The following DST variants were observed in gnomAD, a reference collection of about 807,000 sequenced individuals.
The protein encoded by DST is bullous pemphigoid antigen.
DST carries 253 observed loss-of-function variants against 875.2 expected under a neutral mutation model. The ratio of observed to expected loss-of-function variants is 0.29; its 90% CI spans 0.26 to 0.32. The LOEUF (loss-of-function observed/expected upper bound fraction) is 0.32, where lower values mean the gene tolerates loss of function less well. Among genes scored for constraint, DST ranks in the 10% least tolerant of loss-of-function variants. The pLI, the probability that DST is intolerant of heterozygous loss-of-function variation, is 1.00. For synonymous variants in DST, 3,124 were observed against 3,197.1 expected (o/e 0.98, Z 0.77); for missense variants, 8,287 against 9,111.6 (o/e 0.91, Z 3.68).
chr6:56,678,972 T>C lies in DST; in HGVS notation c.1048-8165A>G, dbSNP rs552458172. On this transcript the variant is annotated intron_variant, in intron 9 of 103. Transcript: ENST00000680361. ...CACTATATAAAATGGAATTCAAAGC[T>C]GCCTCTGAGAACTGCTCATTCCCTG... Among the ~76,000 whole-genome samples the C allele has an allele frequency of 2.0e-5, 3 of 152,348 alleles. No homozygotes were observed. In the East Asian group the frequency reaches 5.8e-4, roughly 29 times the overall value.
At chr6:56,751,856 G>T (rs1406337075) in intron 4 of DST, among the ~76,000 whole-genome samples, 1 of 152,060 alleles carries the variant, frequency 6.6e-6, no homozygotes, top group Non-Finnish European at 1.5e-5. Context: ...AGAGAGGAGG[G>T]TAGAATAGGG....
intron 30 of DST, among the ~76,000 whole-genome samples, chr6:56,630,997 G>A (rs1156654411): frequency 6.6e-6 from 1 of 151,930 alleles, no homozygotes; most frequent in African/African-American, 2.4e-5. Context: ...TGGCCAAGCT[G>A]GTACCGAACT....
At chr6:56,704,434 T>C (rs771507722) in intron 5 of DST, 65 bp from the exon 6 acceptor site, 136 of 716,666 alleles carry the variant, frequency 1.9e-4, no homozygotes, top group Non-Finnish European at 2.8e-4. Context: ...TTCTTAAACA[T>C]AAAAAGGAGA....
chr6:56,573,061 A>G lies in DST; in HGVS notation c.13240T>C (p.Leu4414=). Residue 4414 remains leucine, a synonymous_variant, in exon 52 of 104, where the codon TTG becomes CTG. Coordinates refer to ENST00000680361, the MANE Select transcript of DST (RefSeq NM_001374736.1). ...TGACGACCTGCAATATCCTGTTCCA[A>G]CATCTAAAATAAACCAAATATTGCA... ...LQDIISKNIM[L]EQDIAGRQSS... is the part of the protein sequence containing the mutation. The G allele has an allele frequency of 6.5e-7, 1 of 1,548,724 alleles. No individual in the cohort carries two copies. The highest frequency in any genetic ancestry group is 8.7e-7 in the Non-Finnish European group (1 of 1,150,160).
intron 93 of DST, among the ~76,000 whole-genome samples, chr6:56,473,360 C>T (rs1400632929): frequency 1.3e-5 from 2 of 152,144 alleles, no homozygotes; most frequent in Non-Finnish European, 2.9e-5. Flanking sequence ...CTTTTTAAAT[C>T]TTCTCCAAGC....
intron 36 of DST, chr6:56,620,601 T>C (rs1382237437): frequency 1.9e-6 from 3 of 1,614,008 alleles, no homozygotes; most frequent in Non-Finnish European, 2.5e-6. Context: ...GCTACCATTC[T>C]TTCCAACTCA....
rs182721414 is a variant in DST, at chr6:56,619,668, T to C, written c.4929+4862A>G. On this transcript the variant is annotated intron_variant, in intron 36 of 103. Coordinates refer to ENST00000680361, the MANE Select transcript of DST (RefSeq NM_001374736.1). ...TTCTTGAGATCACTAGCTTCTTGCA[T>C]GGCTTCTTCAGCTTTACCTGTGGTT... 1.2e-5 allele frequency: 19 copies of C among 1,613,938 alleles called. No homozygotes were observed. The East Asian group carries it at 2.0e-4, about 17-fold the overall frequency.
chr6:56,603,485 CAT>C (rs2098464840), intron 41 of DST, 65 bp from the exon 42 acceptor site: 2 of 1,592,820 alleles, frequency 1.3e-6, no homozygotes, highest in Admixed American at 1.7e-5. Context: ...AAACATGAAA[CAT>C]AGAAGTGTTC....
intron 8 of DST, 93 bp from the exon 9 acceptor site, chr6:56,699,838 A>C (rs1403412038): frequency 3.6e-6 from 2 of 552,852 alleles, no homozygotes; most frequent in Non-Finnish European, 6.1e-6. Context: ...AAAATTATAC[A>C]AAGAAAAAAT....
At chr6:56,913,887 G>T (rs1278796765) in intron 2 of DST, among the ~76,000 whole-genome samples, 2 of 152,160 alleles carry the variant, frequency 1.3e-5, no homozygotes, top group African/African-American at 4.8e-5. Context: ...CTAATCTGAT[G>T]ATTTTTTTTA....
chr6:56,766,772 C>A (rs2099634558), intron 4 of DST, among the ~76,000 whole-genome samples: 1 of 152,140 alleles, frequency 6.6e-6, no homozygotes, highest in African/African-American at 2.4e-5. Context: ...CTCAGGTGAT[C>A]CACCCGCCTC....
At chr6:56,843,570 G>A in intron 4 of DST, 2 of 983,862 alleles carry the variant, frequency 2.0e-6, no homozygotes, top group Non-Finnish European at 1.2e-6. Flanking sequence ...GCGTGCTTCG[G>A]GCCGGGCCGA....
Position 56,459,207 on chromosome 6 carries a change from G to T in DST, c.23255C>A (p.Ala7752Asp). 1 of 1,613,634 alleles carries T rather than the reference G, an allele frequency of 6.2e-7. No individual in the cohort carries two copies. The highest frequency in any genetic ancestry group is 8.5e-7 in the Non-Finnish European group (1 of 1,179,724). ...SRAGSKAGSR[A>D]SSRRGSDASD... is the part of the protein sequence containing the mutation. ...TGCATCACTGCCTCGGCGGCTGCTGGCCCTGCTGCCAGCTTTGCTTCCAGC... is the reference window on the plus strand; with the variant it reads ...TGCATCACTGCCTCGGCGGCTGCTGTCCCTGCTGCCAGCTTTGCTTCCAGC... Residue 7752 changes from alanine to aspartate, a missense_variant, in exon 104 of 104, where the codon GCC (alanine) becomes GAC (aspartate). By Grantham distance (126) the Ala-to-Asp change is moderately radical. This residue lies in a region of DST where 240 missense variants were observed against 237.3 expected (regional missense o/e 1.01). Coordinates refer to ENST00000680361, the MANE Select transcript of DST (RefSeq NM_001374736.1).
Position 56,594,230 on chromosome 6 carries a change from T to C in DST, c.12196-37A>G, listed in dbSNP as rs778901798. On this transcript the variant is annotated intron_variant, in intron 47 of 103. Coordinates refer to ENST00000680361, the MANE Select transcript of DST (RefSeq NM_001374736.1). ...CAAATTGATCATAATCTTCAAGCAG[T>C]AACGGGGTAACACCTGCAGGGAGCT... 10 of 1,487,946 alleles carry C rather than the reference T, an allele frequency of 6.7e-6. No homozygotes were observed. The East Asian group carries it at 2.3e-4, about 34-fold the overall frequency. 92.2% of individuals were successfully genotyped at this position (1,487,946 alleles called of 1,614,324 possible).
intron 3 of DST, among the ~76,000 whole-genome samples, chr6:56,877,737 C>T (rs1780181566): frequency 6.6e-6 from 1 of 152,194 alleles, no homozygotes; most frequent in Non-Finnish European, 1.5e-5. Flanking sequence ...ATAAATGCCA[C>T]TATCCCCCAG....
At chr6:56,882,617 T>C (rs750566556) in intron 3 of DST, among the ~76,000 whole-genome samples, 9 of 152,186 alleles carry the variant, frequency 5.9e-5, no homozygotes, top group African/African-American at 1.2e-4. Flanking sequence ...AGCTATCTCC[T>C]GAGCAGAGAG....
In DST at chr6:56,604,028, T is replaced by G; in HGVS notation, c.10600A>C (p.Ser3534Arg). The G allele has an allele frequency of 1.3e-6, 2 of 1,593,944 alleles. No individual in the cohort carries two copies. The highest frequency in any genetic ancestry group is 1.7e-6 in the Non-Finnish European group (2 of 1,168,458). ...GGAGAATAGTAGTTTCCTTCTTTGC[T>G]TTTAATATCACCAAGAATATGTGGC... is the stretch of plus-strand genomic sequence containing the variant. The part of the protein sequence containing the change: ...EKPHILGDIK[S>R]KEGNYYSPNL... Residue 3534 changes from serine to arginine, a missense_variant, in exon 40 of 104, where the codon AGC (serine) becomes CGC (arginine). Transcript: ENST00000680361.
In DST at chr6:56,511,599, C is replaced by T. The variant is rs186145397; in HGVS notation, c.18577-199G>A. Among the ~76,000 whole-genome samples, 71 of 152,226 alleles carry T rather than the reference C, an allele frequency of 4.7e-4. 1 individual carries two copies. Among genetic ancestry groups the T allele is most frequent in the Non-Finnish European group, 8.7e-4 (59 of 68,012 alleles). On this transcript the variant is annotated intron_variant, in intron 72 of 103. Transcript: ENST00000680361. ...CACAAAGATTAAACAACAGTCTGGTCACACCAAAGACCCTTTAGGGTACAA... is the reference window on the plus strand; with the variant it reads ...CACAAAGATTAAACAACAGTCTGGTTACACCAAAGACCCTTTAGGGTACAA...
rs201447420 is a variant in DST at position 56,612,774 on chromosome 6, C to T, written c.5059-1178G>A. On this transcript the variant is annotated intron_variant, in intron 37 of 103. Coordinates refer to ENST00000680361, the MANE Select transcript of DST (RefSeq NM_001374736.1). ...TGTTCTTAGACAGTTATAATTAACG[C>T]CATTATCTGCATTAAGAATGTATCT... is the stretch of plus-strand genomic sequence containing the variant. Among the ~76,000 whole-genome samples the T allele has an allele frequency of 2.7e-4, 41 of 152,242 alleles. No individual in the cohort carries two copies. In the East Asian group the frequency reaches 7.9e-3, roughly 29 times the overall value.
Sources: gnomAD v4.1 joint callset for allele counts (sites outside exome capture counted in the v4.1 genomes callset) on GRCh38, gnomAD v4.1.1 for gene constraint, gnomAD v4.1.1 regional missense constraint, MANE v1.5 for transcripts, NCBI Gene and HGNC (gene_info 2026-07-23, HGNC 2026-07-21) for gene names.